Variants in CR1 observed in about 807,000 individuals in gnomAD.
CR1 encodes complement C3b/C4b receptor 1 (Knops blood group), also known as complement receptor type 1.
A neutral mutation model predicts 187.3 loss-of-function variants in CR1; 116 were observed. The ratio of observed to expected loss-of-function variants is 0.62; its 90% CI spans 0.53 to 0.72. The LOEUF is 0.72. CR1 is among the 30% of genes least tolerant of loss of function. The probability of loss-of-function intolerance (pLI) is 0.00; values close to 1 mark genes in which losing one functional copy is unlikely to be tolerated. For synonymous variants in CR1, 576 were observed against 747.1 expected, an observed-to-expected ratio of 0.77 and a Z score of 3.73; for missense variants, 1,731 against 2,110.7, an observed-to-expected ratio of 0.82 and a Z score of 3.52.
chr1:207,610,364 G>A (rs567318925), intron 37 of CR1, among the ~76,000 whole-genome samples: 15 of 152,112 alleles, frequency 9.9e-5, no homozygotes, highest in African/African-American at 2.9e-4. Context: ...AGAAGGTCTC[G>A]CTCTGTTGCC....
chr1:207,564,855 C>T (rs1208693607), intron 23 of CR1, among the ~76,000 whole-genome samples: 2 of 150,058 alleles, frequency 1.3e-5, no homozygotes, highest in Non-Finnish European at 2.9e-5. Flanking sequence ...TAGAGAGTCC[C>T]AGGAAAAATT....
chr1:207,600,198 G>A (rs943820017), intron 35 of CR1, among the ~76,000 whole-genome samples: 4 of 152,098 alleles, frequency 2.6e-5, no homozygotes, highest in East Asian at 1.9e-4. Context: ...GACAATCTCC[G>A]GTTAGATGAA....
In CR1 at chr1:207,496,400, G is replaced by A. The variant is rs776199892; in HGVS notation, c.121+12G>A. On this transcript the variant is annotated intron_variant, in intron 1 of 46. Transcript: ENST00000367049. The stretch of plus-strand genomic sequence containing the variant: ...GCCGGTGGCCTGGGGTGAGAGGCGG[G>A]CGGGCGTGGGGAGGCGCCCGGGCGG... 1 of 1,602,044 alleles carries A rather than the reference G, an allele frequency of 6.2e-7. No individual in the cohort carries two copies. The highest frequency in any genetic ancestry group is 2.2e-5 in the East Asian group (1 of 44,604).
At chr1:207,568,096 C>T in intron 25 of CR1, 54 bp downstream of exon 25, 6 of 1,610,456 alleles carry the variant, frequency 3.7e-6, no homozygotes, top group Non-Finnish European at 5.1e-6. Context: ...TAACCCAGCC[C>T]CTCCATATTT....
rs1292659199 is a variant in CR1 at position 207,630,574 on chromosome 1, C to T, written c.7410C>T (p.Gly2470=). The T allele has an allele frequency of 6.2e-7, 1 of 1,611,512 alleles. No homozygotes were observed. Among genetic ancestry groups the T allele is most frequent in the African/African-American group, 1.3e-5 (1 of 74,868 alleles). ...EVAIHLHSQG[G]SSVHPRTLQT... Reference sequence around the variant, plus strand: ...CTATCCATTTACATTCTCAAGGAGGCAGCAGCGTTCATCCCCGAACTCTGC... The same window carrying T: ...CTATCCATTTACATTCTCAAGGAGGTAGCAGCGTTCATCCCCGAACTCTGC... The change falls in exon 46 of 47, where the codon GGC becomes GGT. Residue 2470 remains glycine (G), a synonymous_variant. Transcript: ENST00000367049.
rs1662936086 is a variant in CR1 at position 207,640,063 on chromosome 1, A to G, written c.*654A>G. The stretch of plus-strand genomic sequence containing the variant: ...TAATTTACTAGAAAGGCATGAAATG[A>G]TCATGGGAAGAGTGGTTAAGACTAC... On this transcript the variant is annotated 3_prime_UTR_variant, in exon 47 of 47. Coordinates refer to ENST00000367049, the MANE Select transcript of CR1 (RefSeq NM_000651.6). 6.6e-6 allele frequency: 1 copy of G among 152,244 alleles called. No individual in the cohort carries two copies. The highest frequency in any genetic ancestry group is 1.5e-5 in the Non-Finnish European group (1 of 68,034). The allele number at this position is 152,244 out of a possible 1,614,324, so 9.4% of individuals were successfully genotyped here.
In CR1 at chr1:207,542,348, T is replaced by A. The variant is rs1660223430; in HGVS notation, c.2004T>A (p.Asn668Lys). ...VGEPSIYCTS[N>K]DDQVGIWSGP... ...AGCCCTCCATATACTGCACCAGCAA[T>A]GACGATCAAGTGGGCATCTGGAGCG... is the stretch of plus-strand genomic sequence containing the variant. Residue 668 changes from asparagine (N) to lysine (K), a missense_variant, in exon 13 of 47, where the codon AAT (asparagine) becomes AAA (lysine). Transcript: ENST00000367049. 1 of 389,390 alleles carries A rather than the reference T, an allele frequency of 2.6e-6. No homozygotes were observed. Among genetic ancestry groups the A allele is most frequent in the African/African-American group, 8.0e-5 (1 of 12,550 alleles). The allele number at this position is 389,390 out of a possible 1,614,324, so 24.1% of individuals were successfully genotyped here.
intron 4 of CR1, among the ~76,000 whole-genome samples, chr1:207,517,644 G>A (rs1422140039): frequency 1.3e-5 from 2 of 151,960 alleles, no homozygotes; most frequent in East Asian, 1.9e-4. Flanking sequence ...CTGAGGGTTT[G>A]TTGTTGTTGT....
At position 207,574,780 on chromosome 1, in the gene CR1, A is replaced by G. The variant is rs878957276; in HGVS notation, c.4452-815A>G. Among the ~76,000 whole-genome samples, 6 of 152,352 alleles carry G rather than the reference A, an allele frequency of 3.9e-5. No individual in the cohort carries two copies. In the South Asian group the frequency reaches 6.2e-4, roughly 16 times the overall value. ...TTAAATATCTGTTGTGTGCATATCC[A>G]TGTGTGTAATATACATGCACATATA... On this transcript the variant is annotated intron_variant, in intron 27 of 46. Transcript: ENST00000367049.
At chr1:207,637,004 T>C (rs1662836309) in intron 46 of CR1, among the ~76,000 whole-genome samples, 1 of 152,226 alleles carries the variant, frequency 6.6e-6, no homozygotes, top group Non-Finnish European at 1.5e-5. Flanking sequence ...ACTGTTAGAC[T>C]GGAATTTAGG....
chr1:207,634,368 G>T (rs550075602), intron 46 of CR1, among the ~76,000 whole-genome samples: 1 of 152,166 alleles, frequency 6.6e-6, no homozygotes, highest in Non-Finnish European at 1.5e-5. Flanking sequence ...TGACCACAGT[G>T]TTCCATGGGA....
At chr1:207,588,960 A>G (rs1350206304) in intron 35 of CR1, among the ~76,000 whole-genome samples, 186 bp downstream of exon 35, 2 of 152,260 alleles carry the variant, frequency 1.3e-5, no homozygotes, top group Non-Finnish European at 2.9e-5. Flanking sequence ...AAGAAGGTAC[A>G]ATATGTATTG....
At chr1:207,617,626 G>T (rs1454482072) in intron 41 of CR1, among the ~76,000 whole-genome samples, 211 of 31,002 alleles carry the variant, frequency 6.8e-3, no homozygotes, top group East Asian at 0.019. Flanking sequence ...GAGAGAGAGA[G>T]AGAGAGAGAG....
At chr1:207,585,467 G>A (rs1457368959) in intron 33 of CR1, among the ~76,000 whole-genome samples, 2 of 152,168 alleles carry the variant, frequency 1.3e-5, no homozygotes, top group Non-Finnish European at 2.9e-5. Context: ...GGAAAGAGTA[G>A]CCCAAAGAAA....
At chr1:207,579,761 A>T (rs1055541356) in intron 29 of CR1, among the ~76,000 whole-genome samples, 1 of 152,220 alleles carries the variant, frequency 6.6e-6, no homozygotes, top group African/African-American at 2.4e-5. Flanking sequence ...CCTGCTCTGC[A>T]AGAAGCAGTG....
At chr1:207,634,610 A>G (rs1305193017) in intron 46 of CR1, among the ~76,000 whole-genome samples, 1 of 145,774 alleles carries the variant, frequency 6.9e-6, no homozygotes, top group Non-Finnish European at 1.5e-5. Context: ...TGGCAGTAAT[A>G]ACCGGGGAAC....
At position 207,525,037 on chromosome 1, in the gene CR1, A is replaced by G. The variant is rs1223194141; in HGVS notation, c.886+1028A>G. Among the ~76,000 whole-genome samples, 3 of 152,040 alleles carry G rather than the reference A, an allele frequency of 2.0e-5. 1 individual carries two copies. The highest frequency in any genetic ancestry group is 7.3e-5 in the African/African-American group (3 of 41,300). ...GGTGGAAGGTAAAGAGGAAGCACGC[A>G]TATCTTCATATGCTTGGCAGGAGAG... On this transcript the variant is annotated intron_variant, in intron 5 of 46. Coordinates refer to ENST00000367049, the MANE Select transcript of CR1 (RefSeq NM_000651.6).
intron 39 of CR1, among the ~76,000 whole-genome samples, chr1:207,612,735 G>T (rs1418781316): frequency 6.6e-6 from 1 of 152,238 alleles, no homozygotes; most frequent in East Asian, 1.9e-4. Flanking sequence ...GGGGATGTGT[G>T]AGTGAGTGAG....
intron 27 of CR1, 63 bp from the exon 28 acceptor site, chr1:207,575,532 G>T: frequency 1.2e-6 from 2 of 1,606,534 alleles, no homozygotes; most frequent in Non-Finnish European, 1.7e-6. Flanking sequence ...TGCCACATAT[G>T]CATGCTGTCA....
Sources: allele counts gnomAD v4.1 joint callset (sites outside exome capture counted in the v4.1 genomes callset), GRCh38; gene constraint gnomAD v4.1.1; transcripts MANE v1.5; gene names NCBI Gene and HGNC (gene_info 2026-07-23, HGNC 2026-07-21).